The following CSMD1 variants were observed in gnomAD, a reference collection of about 807,000 sequenced individuals.
The protein encoded by CSMD1 is CUB and Sushi multiple domains 1.
In CSMD1, 213 loss-of-function variants were observed where a neutral mutation model predicts 417.5. The observed-to-expected ratio is 0.51, with a 90% CI of 0.46 to 0.57. The LOEUF (loss-of-function observed/expected upper bound fraction) is 0.57. CSMD1 is among the 20% of genes least tolerant of loss of function. CSMD1 has a pLI of 0.00. For synonymous variants in CSMD1, 2,862 were observed against 1,736.8 expected (o/e 1.65, Z -16.11); for missense variants, 6,923 against 4,529.7 (o/e 1.53, Z -15.17).
At chr8:3,708,361 T>C in intron 7 of CSMD1, 53 bp downstream of exon 7, 1 of 1,484,276 alleles carries the variant, frequency 6.7e-7, no homozygotes, top group Non-Finnish European at 9.4e-7. Flanking sequence ...CTCCATTCTC[T>C]CCTCTGCTTA....
At chr8:3,415,533 T>G (rs1377248965) in intron 12 of CSMD1, among the ~76,000 whole-genome samples, 1 of 152,138 alleles carries the variant, frequency 6.6e-6, no homozygotes, top group Non-Finnish European at 1.5e-5. Flanking sequence ...AATTTTTGTA[T>G]TTTTTAGCAG....
At chr8:4,392,666 T>G (rs1803925559) in intron 3 of CSMD1, among the ~76,000 whole-genome samples, 1 of 148,136 alleles carries the variant, frequency 6.8e-6, no homozygotes, top group South Asian at 2.1e-4. Flanking sequence ...ATTATTATTA[T>G]TTTTTTTTGA....
intron 23 of CSMD1, among the ~76,000 whole-genome samples, chr8:3,325,256 ATGAC>A (rs1344117087): frequency 5.0e-4 from 76 of 152,320 alleles, no homozygotes; most frequent in African/African-American, 1.8e-3. Flanking sequence ...CAATGCATCC[ATGAC>A]TGACTAATAC....
intron 10 of CSMD1, among the ~76,000 whole-genome samples, chr8:3,506,591 T>G (rs929906802): frequency 3.9e-5 from 6 of 152,208 alleles, no homozygotes; most frequent in African/African-American, 1.2e-4. Context: ...CGCCTCTAAA[T>G]ATCTCTATGT....
chr8:3,535,105 G>A (rs550499468), intron 10 of CSMD1, among the ~76,000 whole-genome samples: 1 of 148,804 alleles, frequency 6.7e-6, no homozygotes, highest in South Asian at 2.1e-4. Flanking sequence ...TACCAACATA[G>A]TCAGCTAATA....
At chr8:4,025,960 G>A (rs1797043940) in intron 4 of CSMD1, among the ~76,000 whole-genome samples, 1 of 151,382 alleles carries the variant, frequency 6.6e-6, no homozygotes, top group Admixed American at 6.6e-5. Flanking sequence ...TTATAACCCT[G>A]GCAAAAGATC....
At chr8:3,345,761 G>C (rs1807947354) in intron 22 of CSMD1, among the ~76,000 whole-genome samples, 1 of 152,170 alleles carries the variant, frequency 6.6e-6, no homozygotes, top group African/African-American at 2.4e-5. Flanking sequence ...GTTAGCTGAT[G>C]ATCACAGATT....
intron 44 of CSMD1, among the ~76,000 whole-genome samples, chr8:3,108,246 G>C (rs1171777897): frequency 6.6e-6 from 1 of 152,080 alleles, no homozygotes; most frequent in Non-Finnish European, 1.5e-5. Context: ...CAGGATTATT[G>C]GAGGTTTGCT....
At chr8:4,328,579 GA>G (rs916637131) in intron 3 of CSMD1, among the ~76,000 whole-genome samples, 13 of 151,406 alleles carry the variant, frequency 8.6e-5, no homozygotes, top group African/African-American at 1.7e-4. Flanking sequence ...TTAAAAAAAT[GA>G]AAAAAAATTA....
intron 1 of CSMD1, among the ~76,000 whole-genome samples, chr8:4,846,593 G>A (rs1801160965): frequency 6.6e-6 from 1 of 152,186 alleles, no homozygotes; most frequent in South Asian, 2.1e-4. Flanking sequence ...CCCTGTAGGA[G>A]GCTCAGCCTT....
At chr8:4,456,077 A>G (rs1261950421) in intron 2 of CSMD1, among the ~76,000 whole-genome samples, 2 of 141,372 alleles carry the variant, frequency 1.4e-5, no homozygotes, top group Non-Finnish European at 3.1e-5. Context: ...AAAAAAAAAA[A>G]AAAAATGTGA....
chr8:3,567,411 C>G (rs746539194), intron 10 of CSMD1, among the ~76,000 whole-genome samples: 1 of 148,676 alleles, frequency 6.7e-6, no homozygotes, highest in Non-Finnish European at 1.5e-5. Flanking sequence ...ATCCCTTAAC[C>G]TAAAATAAAA....
chr8:4,816,138 C>G (rs972829266), intron 1 of CSMD1, among the ~76,000 whole-genome samples: 3 of 152,042 alleles, frequency 2.0e-5, no homozygotes, highest in Non-Finnish European at 4.4e-5. Flanking sequence ...TCAAGTTTGT[C>G]TGAGGCTTTG....
rs866843105 is a variant in CSMD1 at position 3,046,958 on chromosome 8, C to T, written c.7660+5504G>A. Among the ~76,000 whole-genome samples the T allele has an allele frequency of 5.3e-5, 8 of 152,168 alleles. No homozygotes were observed. The South Asian group carries it at 6.2e-4, about 12-fold the overall frequency. On this transcript the variant is annotated intron_variant, in intron 50 of 69. Coordinates refer to ENST00000635120, the MANE Select transcript of CSMD1 (RefSeq NM_033225.6). Reference sequence around the variant, plus strand: ...TCTGGGCCAGGCGCAGTGGCTGATGCCGGCACTTTGGGAGGCCGAGGCGGG... The same window carrying T: ...TCTGGGCCAGGCGCAGTGGCTGATGTCGGCACTTTGGGAGGCCGAGGCGGG...
intron 2 of CSMD1, among the ~76,000 whole-genome samples, chr8:4,500,626 G>T (rs916971566): frequency 6.6e-6 from 1 of 152,088 alleles, no homozygotes; most frequent in African/African-American, 2.4e-5. Context: ...TTTTTGAGCG[G>T]GAGAGAGGGA....
chr8:4,193,930 T>C (rs1253139461), intron 3 of CSMD1, among the ~76,000 whole-genome samples: 1 of 151,912 alleles, frequency 6.6e-6, no homozygotes, highest in Non-Finnish European at 1.5e-5. Context: ...CAATGTTTAA[T>C]GGTGGGAGGT....
At chr8:4,674,758 T>A (rs1463314549) in intron 1 of CSMD1, among the ~76,000 whole-genome samples, 2 of 152,076 alleles carry the variant, frequency 1.3e-5, no homozygotes, top group Non-Finnish European at 2.9e-5. Flanking sequence ...TGGCCTAGAG[T>A]ATCAGCATGC....
At chr8:3,324,214 C>A (rs79735401) in intron 23 of CSMD1, among the ~76,000 whole-genome samples, 3 of 110,338 alleles carry the variant, frequency 2.7e-5, no homozygotes, top group Non-Finnish European at 5.5e-5. Context: ...TAGACACACA[C>A]CCAACCCCAG....
chr8:3,314,780 G>A (rs139849825), intron 23 of CSMD1, among the ~76,000 whole-genome samples: 33 of 152,282 alleles, frequency 2.2e-4, no homozygotes, highest in African/African-American at 7.7e-4. Flanking sequence ...AGTTCTATGA[G>A]ACTTGCTTTT....
Sources: gnomAD v4.1 joint callset for allele counts (sites outside exome capture counted in the v4.1 genomes callset) on GRCh38, gnomAD v4.1.1 for gene constraint, MANE v1.5 for transcripts, NCBI Gene and HGNC (gene_info 2026-07-23, HGNC 2026-07-21) for gene names.